Variants in PCDHA2 observed in about 807,000 individuals in gnomAD.
PCDHA2 encodes protocadherin alpha 2.
PCDHA2 carries 58 observed loss-of-function variants against 66.0 expected under a neutral mutation model. That is an observed-to-expected ratio of 0.88 (90% CI 0.71 to 1.09). The LOEUF (loss-of-function observed/expected upper bound fraction) is 1.09, where lower values mean the gene tolerates loss of function less well. Ranked by LOEUF, PCDHA2 falls within the 50% of genes least tolerant of loss-of-function variation. The pLI, the probability that PCDHA2 is intolerant of heterozygous loss-of-function variation, is 0.00. For missense variants in PCDHA2, 1,267 were observed against 1,242.3 expected (o/e 1.02, Z -0.30); for synonymous variants, 634 against 554.0 (o/e 1.14, Z -2.03).
At chr5:140,836,085 C>T in intron 1 of PCDHA2, 1 of 1,613,676 alleles carries the variant, frequency 6.2e-7, no homozygotes, top group South Asian at 1.1e-5. Flanking sequence ...ACTGCTGGCG[C>T]CTCGGGTGGG....
intron 1 of PCDHA2, chr5:140,882,970 C>A (rs111935814): frequency 1.2e-6 from 2 of 1,614,130 alleles, no homozygotes; most frequent in African/African-American, 1.3e-5. Flanking sequence ...CGATTCTGGA[C>A]GTGAATGACA....
rs1769592683 is a variant in PCDHA2 at position 140,828,186 on chromosome 5, A to G, written c.2388+30834A>G. 3.1e-6 allele frequency: 5 copies of G among 1,614,002 alleles called. No individual in the cohort carries two copies. In the South Asian group the frequency reaches 3.3e-5, roughly 11 times the overall value. On this transcript the variant is annotated intron_variant, in intron 1 of 3. Coordinates refer to ENST00000526136, the MANE Select transcript of PCDHA2 (RefSeq NM_018905.3). ...TGGAAGGTGGGGAGCGGCCAGCTCC[A>G]CTACTCCGTACCCGAGGAGGCCAAA... is the stretch of plus-strand genomic sequence containing the variant.
chr5:140,849,539 A>G lies in PCDHA2; in HGVS notation c.2388+52187A>G, dbSNP rs2150439995. ...TTGTGGATGTAAATGACAATGCTCC[A>G]CAGTTGACTATCAAAACGCTCTCGG... On this transcript the variant is annotated intron_variant, in intron 1 of 3. Coordinates refer to ENST00000526136, the MANE Select transcript of PCDHA2 (RefSeq NM_018905.3). 1.9e-6 allele frequency: 3 copies of G among 1,598,028 alleles called. 1 individual carries two copies. The highest frequency in any genetic ancestry group is 1.7e-6 in the Non-Finnish European group (2 of 1,167,768).
chr5:140,907,114 G>A (rs1422379312), intron 1 of PCDHA2, among the ~76,000 whole-genome samples: 1 of 152,164 alleles, frequency 6.6e-6, no homozygotes, highest in Non-Finnish European at 1.5e-5. Context: ...TCCACCCCTT[G>A]ATTCCTGGAC....
At chr5:140,846,553 T>G (rs1374500814) in intron 1 of PCDHA2, among the ~76,000 whole-genome samples, 5 of 148,228 alleles carry the variant, frequency 3.4e-5, no homozygotes, top group Non-Finnish European at 7.5e-5. Context: ...TTTTTGTATT[T>G]TTAGTAGAGT....
chr5:140,977,750 G>A (rs2096773664), intron 1 of PCDHA2, among the ~76,000 whole-genome samples: 1 of 152,142 alleles, frequency 6.6e-6, no homozygotes, highest in South Asian at 2.1e-4. Context: ...GAAGAAATGT[G>A]TTTATTAAAT....
At chr5:140,900,559 G>A (rs542075943) in intron 1 of PCDHA2, among the ~76,000 whole-genome samples, 2 of 152,314 alleles carry the variant, frequency 1.3e-5, no homozygotes, top group African/African-American at 2.4e-5. Context: ...TTACAGGCGT[G>A]AGCCACGGCA....
At chr5:140,863,307 C>G in intron 1 of PCDHA2, 1 of 1,462,496 alleles carries the variant, frequency 6.8e-7, no homozygotes. Context: ...TCGCCATCTG[C>G]GTGGTGTCCA....
At chr5:140,829,255 G>T (rs2150164788) in intron 1 of PCDHA2, 6 of 1,614,078 alleles carry the variant, frequency 3.7e-6, no homozygotes, top group Non-Finnish European at 4.2e-6. Flanking sequence ...TGAACTGCTC[G>T]CTGACGCCTC....
intron 1 of PCDHA2, among the ~76,000 whole-genome samples, chr5:140,798,447 G>A (rs1359107743): frequency 6.6e-6 from 1 of 152,126 alleles, no homozygotes; most frequent in Non-Finnish European, 1.5e-5. Flanking sequence ...TCACACTGGG[G>A]TTTTTCAGGT....
chr5:140,897,947 T>A (rs1276045551), intron 1 of PCDHA2, among the ~76,000 whole-genome samples: 1 of 152,168 alleles, frequency 6.6e-6, no homozygotes, highest in Non-Finnish European at 1.5e-5. Context: ...CAGTGATGAT[T>A]AGCATTTTTT....
intron 1 of PCDHA2, among the ~76,000 whole-genome samples, chr5:140,971,717 T>C (rs2096494226): frequency 6.6e-6 from 1 of 152,012 alleles, no homozygotes; most frequent in Non-Finnish European, 1.5e-5. Flanking sequence ...TATAGATATA[T>C]GTATATCATA....
intron 1 of PCDHA2, chr5:140,884,363 T>A (rs1444938392): frequency 6.2e-7 from 1 of 1,613,818 alleles, no homozygotes; most frequent in African/African-American, 1.3e-5. Context: ...TGTCAATGTT[T>A]ACTTGATCAT....
At chr5:140,916,825 C>T (rs2077750975) in intron 1 of PCDHA2, among the ~76,000 whole-genome samples, 1 of 152,144 alleles carries the variant, frequency 6.6e-6, no homozygotes, top group Non-Finnish European at 1.5e-5. Context: ...CCACCCCTAT[C>T]CCTCTGGTTC....
intron 1 of PCDHA2, chr5:140,801,362 G>C (rs199783721): frequency 6.2e-7 from 1 of 1,613,322 alleles, no homozygotes; most frequent in East Asian, 2.2e-5. Flanking sequence ...TGGGGCTGGA[G>C]CTGGCGGAGC....
chr5:140,870,932 T>C (rs1428252254), intron 1 of PCDHA2: 1 of 1,613,824 alleles, frequency 6.2e-7, no homozygotes, highest in South Asian at 1.1e-5. Context: ...TCATATGAAT[T>C]GCAGCCGGCG....
intron 1 of PCDHA2, chr5:140,967,874 C>T: frequency 6.2e-7 from 1 of 1,614,132 alleles, no homozygotes; most frequent in Non-Finnish European, 8.5e-7. Context: ...GCTCACGGAC[C>T]TGTATAGCCC....
At position 140,987,008 on chromosome 5, in the gene PCDHA2, G is replaced by A. The variant is rs958548514; in HGVS notation, c.2536+4445G>A. 2.6e-5 allele frequency among the ~76,000 whole-genome samples: 4 copies of A among 152,260 alleles called. No individual in the cohort carries two copies. The South Asian group carries it at 6.2e-4, about 24-fold the overall frequency. On this transcript the variant is annotated intron_variant, in intron 3 of 3. Transcript: ENST00000526136. ...GCAGGCAGATCACTTGAGGTCATGA[G>A]TTCGAGACCAGCCTGGTCAACATGG... is the stretch of plus-strand genomic sequence containing the variant.
At chr5:140,805,712 A>T in intron 1 of PCDHA2, 1 of 609,252 alleles carries the variant, frequency 1.6e-6, no homozygotes, top group Non-Finnish European at 2.1e-6. Flanking sequence ...TAGAATAAAA[A>T]TTAAGCTAAA....
Sources: allele counts gnomAD v4.1 joint callset (sites outside exome capture counted in the v4.1 genomes callset), GRCh38; gene constraint gnomAD v4.1.1; transcripts MANE v1.5; gene names NCBI Gene and HGNC (gene_info 2026-07-23, HGNC 2026-07-21).